Variants in TLE2 observed in about 807,000 individuals in gnomAD.
The protein encoded by TLE2 is transducin-like enhancer protein 2.
A neutral mutation model predicts 97.2 loss-of-function variants in TLE2; 74 were observed. The ratio of observed to expected loss-of-function variants is 0.76; its 90% CI spans 0.63 to 0.92. The LOEUF (loss-of-function observed/expected upper bound fraction) is 0.92. TLE2 is among the 40% of genes least tolerant of loss of function. TLE2 has a pLI of 0.00. For synonymous variants in TLE2, 499 were observed against 432.1 expected (o/e 1.15, Z -1.92); for missense variants, 1,038 against 1,008.7 (o/e 1.03, Z -0.39).
At chr19:3,045,686 C>T (rs1224588725) in intron 1 of TLE2, 2 of 422,762 alleles carry the variant, frequency 4.7e-6, no homozygotes, top group Non-Finnish European at 9.7e-6. Context: ...ACAAAATTAA[C>T]CAGGTGTGGT....
chr19:3,012,113 G>A (rs1362042208), intron 11 of TLE2, among the ~76,000 whole-genome samples: 1 of 151,954 alleles, frequency 6.6e-6, no homozygotes, highest in Non-Finnish European at 1.5e-5. Flanking sequence ...AGGCGTGGTG[G>A]CACGTGCCTG....
Position 3,019,071 on chromosome 19 carries a change from A to T in TLE2, c.550+212T>A, listed in dbSNP as rs1599228483. Among the ~76,000 whole-genome samples the T allele has an allele frequency of 6.6e-6, 1 of 151,312 alleles. No homozygotes were observed. Among genetic ancestry groups the T allele is most frequent in the Non-Finnish European group, 1.5e-5 (1 of 67,830 alleles). ...GCACCATCCCACCCAGCAAATTTTTAAATTTTTGTAGAGACGGGGTCTCGC... is the reference window on the plus strand; with the variant it reads ...GCACCATCCCACCCAGCAAATTTTTTAATTTTTGTAGAGACGGGGTCTCGC... On this transcript the variant is annotated intron_variant, in intron 7 of 19. Coordinates refer to ENST00000262953, the MANE Select transcript of TLE2 (RefSeq NM_003260.5). This position sits in a 1 kb window ranked among gnomAD's most constrained non-coding sequence, Gnocchi z 5.1.
intron 1 of TLE2, among the ~76,000 whole-genome samples, chr19:3,038,108 C>G (rs1309173466): frequency 6.6e-6 from 1 of 151,908 alleles, no homozygotes; most frequent in South Asian, 2.1e-4. Flanking sequence ...GGGGACAGAG[C>G]GAGACTCTGT....
chr19:3,006,550 C>G lies in TLE2; in HGVS notation c.1370G>C (p.Gly457Ala). Residue 457 changes from glycine to alanine, a missense_variant, in exon 15 of 20, where the codon GGC (glycine) becomes GCC (alanine). Physicochemically the swap from Gly to Ala is moderately conservative, Grantham distance 60 (BLOSUM62 0). Transcript: ENST00000262953. ...HARQLHTLAH[G>A]EVVCAVTISG... ...GATGGTGACCGCGCAGACCACCTCG[C>G]CATGGGCCAGCGTGTGCAGCTGCCG... 2 of 1,605,054 alleles carry G rather than the reference C, an allele frequency of 1.2e-6. No homozygotes were observed. Among genetic ancestry groups the G allele is most frequent in the Non-Finnish European group, 1.7e-6 (2 of 1,176,832 alleles).
At chr19:3,038,234 G>A (rs1336974728) in intron 1 of TLE2, among the ~76,000 whole-genome samples, 12 of 152,090 alleles carry the variant, frequency 7.9e-5, no homozygotes, top group Admixed American at 7.9e-4. Flanking sequence ...TTGAGACAAG[G>A]TCTCACTCTG....
intron 8 of TLE2, among the ~76,000 whole-genome samples, chr19:3,016,696 C>G (rs2089714300): frequency 6.6e-6 from 1 of 152,064 alleles, no homozygotes; most frequent in Non-Finnish European, 1.5e-5. Context: ...CGGCTGATGG[C>G]TAGGCGAACG....
At chr19:3,046,084 C>T (rs1374465017), upstream of TLE2, among the ~76,000 whole-genome samples, 1 of 152,140 alleles carries the variant, frequency 6.6e-6, no homozygotes, top group Non-Finnish European at 1.5e-5. Flanking sequence ...AGTCTGGTTG[C>T]CCCTAGGGGG....
At chr19:3,006,274 T>G (rs925017310) in intron 15 of TLE2, 146 bp downstream of exon 15, 2 of 1,326,376 alleles carry the variant, frequency 1.5e-6, no homozygotes, top group Non-Finnish European at 2.1e-6. Context: ...CCTTGTCCCA[T>G]GCGACTACGA....
Position 3,008,965 on chromosome 19 carries a change from G to T in TLE2, c.1174-20C>A, listed in dbSNP as rs1392896252. The T allele has an allele frequency of 2.6e-6, 4 of 1,556,346 alleles. No homozygotes were observed. The highest frequency in any genetic ancestry group is 3.5e-6 in the Non-Finnish European group (4 of 1,149,904). On this transcript the variant is annotated intron_variant, in intron 13 of 19. Coordinates refer to ENST00000262953, the MANE Select transcript of TLE2 (RefSeq NM_003260.5). ...TGCCATCTGTGAGAATGCCAGGGGG[G>T]TGTCAGTGAGGCAGGTGACTCCAAC...
intron 1 of TLE2, among the ~76,000 whole-genome samples, chr19:3,041,014 T>TATATATATATATATGTATATATA (rs55998855): frequency 5.0e-5 from 1 of 20,168 alleles, no homozygotes; most frequent in Admixed American, 8.3e-4. Flanking sequence ...TATATATATA[T>TATATATATATATATGTATATATA]TTTTTTTTTT....
rs375023696 is a variant in TLE2, at chr19:3,009,552, C to T, written c.1163G>A (p.Arg388His). The T allele has an allele frequency of 4.0e-5, 65 of 1,607,742 alleles. No individual in the cohort carries two copies. The highest frequency in any genetic ancestry group is 2.0e-4 in the African/African-American group (15 of 74,862). ...PQVSSSVVYG[R>H]SPVMAFESHP... ...CACCCAAGGACTCACCACGGGGGAG[C>T]GTCCGTACACCACAGAGCTGCTGAC... The change falls in exon 13 of 20, where the codon CGC becomes CAC. Residue 388 changes from arginine (R) to histidine (H), a missense_variant. Arg to His is a conservative substitution (Grantham distance 29). Coordinates refer to ENST00000262953, the MANE Select transcript of TLE2 (RefSeq NM_003260.5).
intron 13 of TLE2, 21 bp downstream of exon 13, chr19:3,009,521 C>G (rs761306497): frequency 5.7e-6 from 9 of 1,570,194 alleles, no homozygotes; most frequent in Non-Finnish European, 7.8e-6. Flanking sequence ...ACACCTCCTG[C>G]GCCCCCACCC....
At chr19:3,021,798 G>C (rs60677837) in intron 5 of TLE2, among the ~76,000 whole-genome samples, 27,542 of 151,978 alleles carry the variant, frequency 0.18, 2,682 homozygotes, top group South Asian at 0.2. Flanking sequence ...GACCAGGCTG[G>C]TCTTGAACTC....
At chr19:3,038,557 G>A (rs769846845) in intron 1 of TLE2, among the ~76,000 whole-genome samples, 3 of 152,102 alleles carry the variant, frequency 2.0e-5, no homozygotes, top group African/African-American at 7.2e-5. Context: ...CTCCCCTCAC[G>A]CTCCACATCT....
chr19:3,038,533 C>T (rs1218307913), intron 1 of TLE2, among the ~76,000 whole-genome samples: 1 of 152,234 alleles, frequency 6.6e-6, no homozygotes, highest in Non-Finnish European at 1.5e-5. Context: ...CCTAAAGGGT[C>T]CTTCTCTCCC....
At chr19:3,029,345 C>G (rs2090000364), upstream of TLE2, 1 of 172,760 alleles carries the variant, frequency 5.8e-6, no homozygotes, top group Non-Finnish European at 1.1e-5. Context: ...CGGCCCGCCC[C>G]GCGCCCACCC....
chr19:3,018,295 C>CATTTATTTATTTATTTATTTATTT (rs376936723), intron 7 of TLE2, among the ~76,000 whole-genome samples: 1 of 151,452 alleles, frequency 6.6e-6, no homozygotes, highest in Non-Finnish European at 1.5e-5. Context: ...CCATGCTTGG[C>CATTTATTTATTTATTTATTTATTT]ATTTATTTAT....
intron 18 of TLE2, among the ~76,000 whole-genome samples, chr19:3,001,269 T>G (rs1223573092): frequency 1.4e-5 from 1 of 70,384 alleles, no homozygotes; most frequent in Non-Finnish European, 2.6e-5. Flanking sequence ...TCAGACTCTG[T>G]CTCAAAAAAA....
At chr19:3,024,920 G>T in intron 5 of TLE2, 100 bp downstream of exon 5, 1 of 1,026,874 alleles carries the variant, frequency 9.7e-7, no homozygotes, top group Non-Finnish European at 1.4e-6. Context: ...TGCAGGCTAC[G>T]CGGCAGAATC....
Sources: allele counts gnomAD v4.1 joint callset (sites outside exome capture counted in the v4.1 genomes callset), GRCh38; gene constraint gnomAD v4.1.1; non-coding constraint Gnocchi (gnomAD v3.1); transcripts MANE v1.5; gene names NCBI Gene and HGNC (gene_info 2026-07-23, HGNC 2026-07-21).